The following COL4A3 variants were observed in gnomAD, a reference collection of about 807,000 sequenced individuals.
COL4A3 encodes collagen type IV alpha 3 chain.
In COL4A3, 135 loss-of-function variants were observed where a neutral mutation model predicts 217.4. The ratio of observed to expected loss-of-function variants is 0.62; its 90% CI spans 0.54 to 0.72. COL4A3 has a LOEUF of 0.72. Among genes scored for constraint, COL4A3 ranks in the 30% least tolerant of loss-of-function variants. The pLI is 0.00. For missense variants in COL4A3, 1,868 were observed against 2,119.9 expected (o/e 0.88, Z 2.33); for synonymous variants, 690 against 736.3 (o/e 0.94, Z 1.02).
chr2:227,266,302 T>G (rs1293551513), intron 21 of COL4A3, 115 bp from the exon 22 acceptor site: 1 of 815,754 alleles, frequency 1.2e-6, no homozygotes, highest in Admixed American at 2.0e-5. Flanking sequence ...TTCTAAAGAC[T>G]AGGCTTCCAA....
At chr2:227,246,362 T>A in intron 6 of COL4A3, 1 of 501,030 alleles carries the variant, frequency 2.0e-6, no homozygotes, top group South Asian at 2.1e-5. Context: ...TCCTTTTGTT[T>A]TCGAACTGAG....
chr2:227,260,562 A>G (rs1210092956), intron 19 of COL4A3, among the ~76,000 whole-genome samples: 1 of 151,798 alleles, frequency 6.6e-6, no homozygotes, highest in Non-Finnish European at 1.5e-5. Context: ...TTTCAAAGGA[A>G]ATTCTACTTA....
chr2:227,294,857 C>A, intron 39 of COL4A3, 107 bp from the exon 40 acceptor site: 1 of 906,164 alleles, frequency 1.1e-6, no homozygotes, highest in South Asian at 1.4e-5. Context: ...CTGTTTAACA[C>A]AATTCCACAC....
chr2:227,297,677 C>T lies in COL4A3; in HGVS notation c.3569C>T (p.Ala1190Val), dbSNP rs2073090640. Residue 1190 changes from alanine (A) to valine (V), a missense_variant, in exon 42 of 52, where the codon GCC becomes GTC. Around this residue, in one of 2 missense-constraint regions of COL4A3, gnomAD observed 1,503 missense variants for 1,786.1 expected, o/e 0.84. Coordinates refer to ENST00000396578, the MANE Select transcript of COL4A3 (RefSeq NM_000091.5). Reference sequence around the variant, plus strand: ...TATTAAGCCTTCTTCTTTGCAGGAGCCAAAGGAGACAGGGGAGCCCCAGGT... The same window carrying T: ...TATTAAGCCTTCTTCTTTGCAGGAGTCAAAGGAGACAGGGGAGCCCCAGGT... Reference protein sequence around the residue: ...GPRGNPGAQGAKGDRGAPGFP... With the variant: ...GPRGNPGAQGVKGDRGAPGFP... 1 of 1,606,726 alleles carries T rather than the reference C, an allele frequency of 6.2e-7. No homozygotes were observed. Among genetic ancestry groups the T allele is most frequent in the African/African-American group, 1.3e-5 (1 of 74,846 alleles).
intron 1 of COL4A3, among the ~76,000 whole-genome samples, chr2:227,198,175 T>C (rs1046440603): frequency 1.8e-4 from 27 of 152,210 alleles, no homozygotes; most frequent in African/African-American, 6.3e-4. Flanking sequence ...CAGCTATCTA[T>C]GTGGGTCATC....
intron 1 of COL4A3, among the ~76,000 whole-genome samples, chr2:227,218,890 A>G (rs924829231): frequency 6.6e-6 from 1 of 152,148 alleles, no homozygotes. Context: ...TTCTTTTTTC[A>G]TATCCTTTCG....
At chr2:227,255,590 T>C (rs13028944) in intron 15 of COL4A3, among the ~76,000 whole-genome samples, 11,808 of 152,276 alleles carry the variant, frequency 0.078, 585 homozygotes, top group Admixed American at 0.17. Flanking sequence ...TATACATATA[T>C]TTAAATATAG....
At position 227,274,711 on chromosome 2, in the gene COL4A3, C is replaced by T. The variant is rs547272977; in HGVS notation, c.1927+1594C>T. Reference sequence around the variant, plus strand: ...ATGGGGTTTCACCATGTTGGCCAGGCTGGTCTTGAACTCCTGACCTCAGGT... The same window carrying T: ...ATGGGGTTTCACCATGTTGGCCAGGTTGGTCTTGAACTCCTGACCTCAGGT... On this transcript the variant is annotated intron_variant, in intron 26 of 51. Coordinates refer to ENST00000396578, the MANE Select transcript of COL4A3 (RefSeq NM_000091.5). Among the ~76,000 whole-genome samples the T allele has an allele frequency of 9.1e-4, 139 of 152,158 alleles. 1 individual carries two copies. Among genetic ancestry groups the T allele is most frequent in the African/African-American group, 3.2e-3 (132 of 41,490 alleles).
chr2:227,281,397 G>A (rs1313094407), intron 31 of COL4A3, among the ~76,000 whole-genome samples: 1 of 152,056 alleles, frequency 6.6e-6, no homozygotes, highest in East Asian at 1.9e-4. Flanking sequence ...GTAAATGTAT[G>A]CAATGATACC....
At position 227,292,561 on chromosome 2, in the gene COL4A3, A is replaced by G. The variant is rs3923513; in HGVS notation, c.3211-630A>G. Among the ~76,000 whole-genome samples the G allele has an allele frequency of 5.7e-3, 864 of 152,320 alleles. 10 individuals carry two copies. The highest frequency in any genetic ancestry group is 0.019 in the African/African-American group (799 of 41,558). ...AGTATATTTTAATTGGCTACCATAG[A>G]AATTTTGTAAATCTTTATCAAACCT... On this transcript the variant is annotated intron_variant, in intron 37 of 51. Transcript: ENST00000396578.
rs1230184029 is a variant in COL4A3 at position 227,295,084 on chromosome 2, T to C, written c.3517+22T>C. On this transcript the variant is annotated intron_variant, in intron 40 of 51. Coordinates refer to ENST00000396578, the MANE Select transcript of COL4A3 (RefSeq NM_000091.5). Reference sequence around the variant, plus strand: ...ACGGGTACAACTTGCTCATTATCTTTGATCCGTTAGTTTTATTTTGGATAG... The same window carrying C: ...ACGGGTACAACTTGCTCATTATCTTCGATCCGTTAGTTTTATTTTGGATAG... The C allele has an allele frequency of 1.9e-6, 3 of 1,602,862 alleles. No individual in the cohort carries two copies. In the African/African-American group the frequency reaches 4.0e-5, roughly 21 times the overall value.
intron 1 of COL4A3, among the ~76,000 whole-genome samples, chr2:227,217,229 T>A (rs753166098): frequency 6.6e-6 from 1 of 152,156 alleles, no homozygotes; most frequent in Non-Finnish European, 1.5e-5. Flanking sequence ...GAGAACAGTA[T>A]GGGAGAACCA....
chr2:227,247,083 G>C (rs2069394090), intron 7 of COL4A3, among the ~76,000 whole-genome samples: 1 of 152,150 alleles, frequency 6.6e-6, no homozygotes, highest in Non-Finnish European at 1.5e-5. Context: ...TTGAGATCAA[G>C]GAGAATGATC....
At chr2:227,206,887 C>T (rs917966205) in intron 1 of COL4A3, among the ~76,000 whole-genome samples, 35 of 152,306 alleles carry the variant, frequency 2.3e-4, no homozygotes, top group African/African-American at 8.2e-4. Flanking sequence ...AATTGAAACT[C>T]AGGTTTGTTT....
At chr2:227,228,399 AC>A (rs2068215092) in intron 1 of COL4A3, 1 of 152,560 alleles carries the variant, frequency 6.6e-6, no homozygotes, top group South Asian at 2.1e-4. Context: ...TCTTCTTTTC[AC>A]ACACAAAAAC....
chr2:227,226,399 TC>T (rs1361945519), intron 1 of COL4A3, among the ~76,000 whole-genome samples: 1 of 151,726 alleles, frequency 6.6e-6, no homozygotes, highest in African/African-American at 2.4e-5. Context: ...AGTCTGCCAT[TC>T]CAAGGTAGAA....
intron 1 of COL4A3, among the ~76,000 whole-genome samples, chr2:227,195,216 G>A (rs988707677): frequency 2.6e-5 from 4 of 151,894 alleles, no homozygotes; most frequent in African/African-American, 9.7e-5. Context: ...TTTTGAACTT[G>A]AGCAACATTA....
intron 1 of COL4A3, among the ~76,000 whole-genome samples, chr2:227,213,916 A>AG (rs1186797661): frequency 1.0e-4 from 13 of 127,202 alleles, no homozygotes; most frequent in Admixed American, 3.8e-4. Context: ...AAAAAAAAAA[A>AG]AAAGAAAAAG....
chr2:227,210,980 G>T (rs1325503534), intron 1 of COL4A3, among the ~76,000 whole-genome samples: 2 of 151,892 alleles, frequency 1.3e-5, no homozygotes, highest in East Asian at 3.9e-4. Flanking sequence ...TTATAAAGCT[G>T]TAGTTTTTTT....
Sources: allele counts gnomAD v4.1 joint callset (sites outside exome capture counted in the v4.1 genomes callset), GRCh38; gene constraint gnomAD v4.1.1; regional missense constraint gnomAD v4.1.1; transcripts MANE v1.5; gene names NCBI Gene and HGNC (gene_info 2026-07-23, HGNC 2026-07-21).